Variants in CDH8 observed in about 807,000 individuals in gnomAD.
CDH8 encodes cadherin-8.
CDH8 carries 17 observed loss-of-function variants against 68.1 expected under a neutral mutation model. The ratio of observed to expected loss-of-function variants is 0.25; its 90% confidence interval spans 0.17 to 0.37. The LOEUF (loss-of-function observed/expected upper bound fraction) is 0.37, where lower values mean the gene tolerates loss of function less well. Among genes scored for constraint, CDH8 ranks in the 10% least tolerant of loss-of-function variants. The pLI is 1.00. For missense variants in CDH8, 763 were observed against 999.3 expected (o/e 0.76, Z 3.19); for synonymous variants, 372 against 365.1 (o/e 1.02, Z -0.21).
chr16:61,925,666 G>C (rs138170753), intron 2 of CDH8, among the ~76,000 whole-genome samples: 1 of 152,248 alleles, frequency 6.6e-6, no homozygotes, highest in African/African-American at 2.4e-5. Flanking sequence ...CAAGCAACAT[G>C]AATTTCAAGG....
At chr16:61,675,611 A>G (rs1298907358) in intron 10 of CDH8, among the ~76,000 whole-genome samples, 1 of 74,710 alleles carries the variant, frequency 1.3e-5, no homozygotes, top group African/African-American at 1.0e-4. Context: ...AAAAAAAATA[A>G]AAAAAATAAA....
At chr16:61,656,987 C>T (rs755152897) in intron 10 of CDH8, among the ~76,000 whole-genome samples, 1 of 151,880 alleles carries the variant, frequency 6.6e-6, no homozygotes, top group Non-Finnish European at 1.5e-5. Flanking sequence ...ACTGATATTA[C>T]AGCCAAAAGC....
intron 2 of CDH8, among the ~76,000 whole-genome samples, chr16:61,976,326 A>T (rs1965433445): frequency 6.6e-6 from 1 of 152,174 alleles, no homozygotes; most frequent in East Asian, 1.9e-4. Context: ...ATATAGCTAT[A>T]TTTCAATTGC....
intron 4 of CDH8, among the ~76,000 whole-genome samples, chr16:61,842,287 T>C (rs1283267757): frequency 6.6e-6 from 1 of 152,056 alleles, no homozygotes; most frequent in African/African-American, 2.4e-5. Context: ...TATTAAGAAT[T>C]AGGACATTTA....
intron 3 of CDH8, among the ~76,000 whole-genome samples, chr16:61,889,285 A>G (rs964957717): frequency 6.6e-6 from 1 of 152,194 alleles, no homozygotes; most frequent in East Asian, 1.9e-4. Flanking sequence ...TCATAAATCT[A>G]TGATTGCTAA....
intron 7 of CDH8, among the ~76,000 whole-genome samples, chr16:61,799,242 C>A (rs1325283539): frequency 2.0e-5 from 3 of 152,090 alleles, no homozygotes; most frequent in Middle Eastern, 3.2e-3. Context: ...ATACTTCTCT[C>A]CATAGGAAAT....
intron 10 of CDH8, among the ~76,000 whole-genome samples, chr16:61,676,300 G>C (rs929953225): frequency 6.6e-6 from 1 of 151,642 alleles, no homozygotes; most frequent in African/African-American, 2.4e-5. Flanking sequence ...ATATCATAAG[G>C]AAGCTGAAGT....
intron 10 of CDH8, among the ~76,000 whole-genome samples, chr16:61,706,140 C>A (rs4784153): frequency 0.74 from 112,767 of 152,184 alleles, 42,617 homozygotes; most frequent in African/African-American, 0.9. Flanking sequence ...CAGTTACCAC[C>A]CTGTCCTACA....
At chr16:61,893,732 T>C (rs960043118) in intron 3 of CDH8, among the ~76,000 whole-genome samples, 2 of 152,098 alleles carry the variant, frequency 1.3e-5, no homozygotes, top group African/African-American at 4.8e-5. Flanking sequence ...CAAGGACACA[T>C]CGTGACCAAG....
intron 3 of CDH8, among the ~76,000 whole-genome samples, chr16:61,897,373 C>T (rs1963886023): frequency 6.6e-6 from 1 of 152,100 alleles, no homozygotes; most frequent in Admixed American, 6.5e-5. Flanking sequence ...CTGCCTCAGC[C>T]TCCCGAGTAG....
At chr16:61,791,063 T>C (rs2142994603) in intron 7 of CDH8, among the ~76,000 whole-genome samples, 1 of 152,090 alleles carries the variant, frequency 6.6e-6, no homozygotes, top group Non-Finnish European at 1.5e-5. Flanking sequence ...ATTTCTCAAT[T>C]GTTTATTGAG....
chr16:61,913,541 G>C (rs1964192293), intron 2 of CDH8, among the ~76,000 whole-genome samples: 1 of 152,104 alleles, frequency 6.6e-6, no homozygotes, highest in African/African-American at 2.4e-5. Context: ...ATGGTGCCTA[G>C]TATGCCATCG....
chr16:61,737,849 T>C (rs1331671598), intron 8 of CDH8, among the ~76,000 whole-genome samples: 1 of 152,188 alleles, frequency 6.6e-6, no homozygotes, highest in African/African-American at 2.4e-5. Flanking sequence ...ATGTCTGCGT[T>C]GTGTTGTACA....
chr16:61,855,223 T>C (rs1006493802), intron 4 of CDH8, among the ~76,000 whole-genome samples: 1 of 152,174 alleles, frequency 6.6e-6, no homozygotes, highest in Non-Finnish European at 1.5e-5. Flanking sequence ...TGAGTTTGTG[T>C]TGATATATAT....
intron 8 of CDH8, among the ~76,000 whole-genome samples, chr16:61,774,950 T>C (rs1596955866): frequency 6.6e-6 from 1 of 152,276 alleles, no homozygotes; most frequent in East Asian, 1.9e-4. Context: ...CAGTAGCTTG[T>C]ATGCAGCAGA....
At chr16:61,876,528 A>T (rs1345897214) in intron 3 of CDH8, among the ~76,000 whole-genome samples, 2 of 152,120 alleles carry the variant, frequency 1.3e-5, no homozygotes, top group Non-Finnish European at 2.9e-5. Flanking sequence ...ACAGTTTTCA[A>T]ATATCCTTGG....
chr16:61,934,000 T>C (rs1208461033), intron 2 of CDH8: 1 of 152,212 alleles, frequency 6.6e-6, no homozygotes, highest in African/African-American at 2.4e-5. Context: ...AATCATCTGC[T>C]ATATTCAGAC....
chr16:62,032,437 A>G (rs969929093), intron 1 of CDH8, among the ~76,000 whole-genome samples: 2 of 152,328 alleles, frequency 1.3e-5, no homozygotes, highest in African/African-American at 4.8e-5. Context: ...ATAACACACC[A>G]AAGTTAGGAC....
chr16:61,658,639 AC>A (rs1963498270), intron 10 of CDH8, among the ~76,000 whole-genome samples: 2 of 151,968 alleles, frequency 1.3e-5, no homozygotes, highest in African/African-American at 2.4e-5. Flanking sequence ...ATGTATGAAA[AC>A]TTTATCATAA....
Sources: gnomAD v4.1 joint callset for allele counts (sites outside exome capture counted in the v4.1 genomes callset) on GRCh38, gnomAD v4.1.1 for gene constraint, MANE v1.5 for transcripts, NCBI Gene and HGNC (gene_info 2026-07-23, HGNC 2026-07-21) for gene names.